ERP44: variants seen among roughly 807,000 people sequenced by gnomAD.
ERP44 encodes endoplasmic reticulum resident protein 44.
ERP44 carries 25 observed loss-of-function variants against 53.4 expected under a neutral mutation model. The observed-to-expected ratio is 0.47, with a 90% CI of 0.34 to 0.65. The LOEUF (loss-of-function observed/expected upper bound fraction) is 0.65, where lower values mean the gene tolerates loss of function less well. ERP44 is among the 30% of genes least tolerant of loss of function. ERP44 has a pLI of 0.01. For synonymous variants in ERP44, 145 were observed against 161.2 expected, an observed-to-expected ratio of 0.90 and a Z score of 0.76; for missense variants, 338 against 493.2, an observed-to-expected ratio of 0.69 and a Z score of 2.98.
rs1237419934 is a variant in ERP44 at position 100,073,202 on chromosome 9, T to C, written c.58-13030A>G. Among the ~76,000 whole-genome samples, 16 of 152,218 alleles carry C rather than the reference T, an allele frequency of 1.1e-4. No homozygotes were observed. The East Asian group carries it at 2.1e-3, about 20-fold the overall frequency. On this transcript the variant is annotated intron_variant, in intron 1 of 11. Transcript: ENST00000262455. ...GTTTCAAAGAGAGTATAAGCTTACA[T>C]AATTCAAATTAAGAATTTCACATTC...
chr9:100,093,388 A>G (rs1826583859), intron 1 of ERP44, among the ~76,000 whole-genome samples: 1 of 152,214 alleles, frequency 6.6e-6, no homozygotes, highest in Non-Finnish European at 1.5e-5. Context: ...TCAGGCCTAT[A>G]ATACCAGAAC....
intron 4 of ERP44, among the ~76,000 whole-genome samples, chr9:100,042,277 A>C (rs574609992): frequency 6.6e-6 from 1 of 152,346 alleles, no homozygotes; most frequent in African/African-American, 2.4e-5. Context: ...TCAAATGAAA[A>C]CATACAAATG....
chr9:100,077,207 C>T (rs1394894339), intron 1 of ERP44, among the ~76,000 whole-genome samples: 1 of 152,230 alleles, frequency 6.6e-6, no homozygotes, highest in Admixed American at 6.5e-5. Context: ...GGACTCGAGG[C>T]ATGCCTTATC....
intron 8 of ERP44, among the ~76,000 whole-genome samples, chr9:100,013,941 G>T (rs1030726635): frequency 6.6e-6 from 1 of 152,142 alleles, no homozygotes; most frequent in African/African-American, 2.4e-5. Context: ...TATTTATATA[G>T]GGAATTATAT....
intron 4 of ERP44, among the ~76,000 whole-genome samples, chr9:100,026,881 AT>A (rs1830659068): frequency 6.6e-6 from 1 of 152,128 alleles, no homozygotes. Flanking sequence ...CAAAACATAT[AT>A]TTTCCACCTG....
chr9:99,998,933 C>T, intron 10 of ERP44: 1 of 1,594,850 alleles, frequency 6.3e-7, no homozygotes, highest in Non-Finnish European at 8.6e-7. Flanking sequence ...TCTTCTCTTC[C>T]TCCACACAGT....
At chr9:99,995,270 T>C (rs1404118994) in intron 10 of ERP44, among the ~76,000 whole-genome samples, 3 of 152,250 alleles carry the variant, frequency 2.0e-5, no homozygotes, top group African/African-American at 7.2e-5. Context: ...TCTATACAGA[T>C]AATCATGTTA....
intron 1 of ERP44, among the ~76,000 whole-genome samples, chr9:100,074,990 C>T (rs1329339657): frequency 2.6e-5 from 4 of 152,194 alleles, no homozygotes; most frequent in South Asian, 2.1e-4. Context: ...AGGGTGAGGG[C>T]GATGATGGTG....
At chr9:100,020,848 G>A (rs1830580826) in intron 5 of ERP44, 117 bp from the exon 6 acceptor site, 1 of 577,066 alleles carries the variant, frequency 1.7e-6, no homozygotes, top group Admixed American at 3.2e-5. Context: ...AATGAAGTAT[G>A]ACTATAAATG....
intron 8 of ERP44, among the ~76,000 whole-genome samples, 194 bp from the exon 9 acceptor site, chr9:100,007,883 A>T (rs942299965): frequency 6.6e-6 from 1 of 152,192 alleles, no homozygotes; most frequent in Non-Finnish European, 1.5e-5. Context: ...CCCCACCTCA[A>T]GTACCCAGAC....
chr9:99,991,710 A>C lies in ERP44; in HGVS notation c.1017-6641T>G, dbSNP rs1830258005. Reference sequence around the variant, plus strand: ...AGAGACACAAAAACCCCTTCAAAAAAATCAATGAATCCAGGAGCTGGTTTT... The same window carrying C: ...AGAGACACAAAAACCCCTTCAAAAACATCAATGAATCCAGGAGCTGGTTTT... On this transcript the variant is annotated intron_variant, in intron 10 of 11. Coordinates refer to ENST00000262455, the MANE Select transcript of ERP44 (RefSeq NM_015051.3). Among the ~76,000 whole-genome samples, 4 of 152,208 alleles carry C rather than the reference A, an allele frequency of 2.6e-5. 1 individual carries two copies. The highest frequency in any genetic ancestry group is 2.6e-4 in the Admixed American group (4 of 15,278).
chr9:100,088,782 G>A (rs533484790), intron 1 of ERP44, among the ~76,000 whole-genome samples: 4 of 152,104 alleles, frequency 2.6e-5, no homozygotes, highest in Non-Finnish European at 4.4e-5. Context: ...TCCAAGATTT[G>A]GGCCCAAATC....
Position 100,016,488 on chromosome 9 carries a change from G to C in ERP44, c.646-50C>G, listed in dbSNP as rs770935715. The C allele has an allele frequency of 5.3e-6, 8 of 1,521,582 alleles. No individual in the cohort carries two copies. The East Asian group carries it at 1.9e-4, about 37-fold the overall frequency. The allele number at this position is 1,521,582 out of a possible 1,614,324, so 94.3% of individuals were successfully genotyped here. ...TTAAATCTAACCTGTGCTGGCAAAAGTATATTCTTATTTTTTTTCTTTATA... is the reference window on the plus strand; with the variant it reads ...TTAAATCTAACCTGTGCTGGCAAAACTATATTCTTATTTTTTTTCTTTATA... On this transcript the variant is annotated intron_variant, in intron 7 of 11. Transcript: ENST00000262455.
chr9:99,981,040 A>T lies in ERP44; in HGVS notation c.*1572T>A, dbSNP rs1830143575. The T allele has an allele frequency of 6.6e-6, 1 of 152,130 alleles. No homozygotes were observed. The highest frequency in any genetic ancestry group is 1.5e-5 in the Non-Finnish European group (1 of 68,042). The allele number at this position is 152,130 out of a possible 1,614,324, so 9.4% of individuals were successfully genotyped here. On this transcript the variant is annotated 3_prime_UTR_variant, in exon 12 of 12. Transcript: ENST00000262455. Reference sequence around the variant, plus strand: ...TTGTTGAATGTGAATTTCCATGCTGACCCTCACAGATCTGGTCCATAATCT... The same window carrying T: ...TTGTTGAATGTGAATTTCCATGCTGTCCCTCACAGATCTGGTCCATAATCT...
intron 1 of ERP44, among the ~76,000 whole-genome samples, chr9:100,062,789 C>T (rs570916843): frequency 6.6e-6 from 1 of 152,092 alleles, no homozygotes; most frequent in East Asian, 1.9e-4. Flanking sequence ...TAGCTTTTTA[C>T]TAGCTGGACA....
At chr9:99,995,428 A>C (rs1830301063) in intron 10 of ERP44, among the ~76,000 whole-genome samples, 1 of 152,214 alleles carries the variant, frequency 6.6e-6, no homozygotes, top group East Asian at 1.9e-4. Context: ...CAGGAAAAGC[A>C]TTTGATCCTT....
At chr9:100,023,413 AAT>A (rs1466314243) in intron 4 of ERP44, among the ~76,000 whole-genome samples, 1 of 148,022 alleles carries the variant, frequency 6.8e-6, no homozygotes, top group African/African-American at 2.5e-5. Context: ...AAAAAAAAAA[AAT>A]AAGAAACTTT....
At chr9:100,061,227 C>G (rs1016163313) in intron 1 of ERP44, among the ~76,000 whole-genome samples, 2 of 151,884 alleles carry the variant, frequency 1.3e-5, no homozygotes, top group African/African-American at 4.8e-5. Flanking sequence ...CAGATCACAA[C>G]GAGGTCAAAA....
intron 4 of ERP44, among the ~76,000 whole-genome samples, chr9:100,030,472 G>T (rs571592720): frequency 7.2e-5 from 11 of 152,220 alleles, no homozygotes; most frequent in East Asian, 5.8e-4. Context: ...TGGGTTAAAG[G>T]CCCCTCTTAA....
Sources: allele counts gnomAD v4.1 joint callset (sites outside exome capture counted in the v4.1 genomes callset), GRCh38; gene constraint gnomAD v4.1.1; transcripts MANE v1.5; gene names NCBI Gene and HGNC (gene_info 2026-07-23, HGNC 2026-07-21).